Variants in GRIA3 observed in about 807,000 individuals in gnomAD.
GRIA3 encodes glutamate ionotropic receptor AMPA type subunit 3.
Under a neutral mutation model 63.0 loss-of-function variants are expected in GRIA3, and 3 were observed. That is an observed-to-expected ratio of 0.05 (90% confidence interval 0.02 to 0.12). The LOEUF is 0.12. Among genes scored for constraint, GRIA3 ranks in the 10% least tolerant of loss-of-function variants. The pLI is 1.00. For missense variants in GRIA3, 347 were observed against 700.9 expected (o/e 0.50, Z 5.70); for synonymous variants, 274 against 257.9 (o/e 1.06, Z -0.60).
intron 12 of GRIA3, among the ~76,000 whole-genome samples, chrX:123,430,751 G>A (rs766611883): frequency 6.3e-5 from 7 of 110,960 alleles, no homozygotes; most frequent in East Asian, 5.7e-4. Context: ...TTGGGAGGCC[G>A]AGGCAGGCAG....
At chrX:123,342,640 G>C (rs2045016253) in intron 4 of GRIA3, among the ~76,000 whole-genome samples, 1 of 111,884 alleles carries the variant, frequency 8.9e-6, no homozygotes, top group Admixed American at 9.5e-5. Context: ...CTTTTGTTCT[G>C]ATTATCCAAC....
Position 123,458,250 on chromosome X carries a change from C to G in GRIA3, c.2077-6615C>G, listed in dbSNP as rs770617068. Among the ~76,000 whole-genome samples the G allele has an allele frequency of 7.3e-5, 8 of 109,113 alleles. No homozygotes were observed. In the South Asian group the frequency reaches 2.9e-3, roughly 40 times the overall value. 94.8% of individuals were successfully genotyped at this position (109,113 alleles called of 115,157 possible). On this transcript the variant is annotated intron_variant, in intron 12 of 15. Coordinates refer to ENST00000620443, the MANE Select transcript of GRIA3 (RefSeq NM_007325.5). ...CCCGTGGTGCGGTGACAAAAAAAGA[C>G]ATGATCCCTACTCTCAAGGGGCTCA...
chrX:123,236,228 T>A (rs2044301171), intron 2 of GRIA3, among the ~76,000 whole-genome samples: 1 of 111,567 alleles, frequency 9.0e-6, no homozygotes, highest in Non-Finnish European at 1.9e-5. Context: ...CTGGGACTCT[T>A]TCTTAAACAC....
At position 123,354,962 on chromosome X, in the gene GRIA3, T is replaced by C; in HGVS notation, c.749T>C (p.Leu250Pro). ...SRGYHYMLAN[L>P]GFTDILLERV... ...GGTTATCACTACATGCTCGCTAACC[T>C]GGTAAGAACAAGCAAGTGTCCCTGG... The change falls in exon 5 of 16, where the codon CTG becomes CCG. Residue 250 changes from leucine to proline, a missense_variant and splice_region_variant. Physicochemically the swap from Leu to Pro is moderately conservative, Grantham distance 98. Transcript: ENST00000620443. 8.5e-7 allele frequency: 1 copy of C among 1,179,725 alleles called. No individual in the cohort carries two copies. The highest frequency in any genetic ancestry group is 1.2e-6 in the Non-Finnish European group (1 of 866,214).
chrX:123,440,275 A>C (rs1167662458), intron 12 of GRIA3, among the ~76,000 whole-genome samples: 1 of 112,260 alleles, frequency 8.9e-6, no homozygotes, highest in East Asian at 2.8e-4. Flanking sequence ...ATGTGTCTTT[A>C]TGGTAGAATG....
At chrX:123,253,778 A>T in intron 3 of GRIA3, 2 of 370,330 alleles carry the variant, frequency 5.4e-6, no homozygotes, top group East Asian at 4.6e-5. Context: ...ATACCTCTTG[A>T]TTGAGTCACC....
At chrX:123,487,069 T>A (rs1194679184) in intron 15 of GRIA3, among the ~76,000 whole-genome samples, 1 of 112,000 alleles carries the variant, frequency 8.9e-6, no homozygotes, top group Non-Finnish European at 1.9e-5. Flanking sequence ...CATGTTTAGC[T>A]CCCACTAGGG....
At chrX:123,348,248 CATT>C (rs1213926111) in intron 4 of GRIA3, among the ~76,000 whole-genome samples, 2 of 111,608 alleles carry the variant, frequency 1.8e-5, no homozygotes, top group East Asian at 2.8e-4. Flanking sequence ...TAAAACCAAA[CATT>C]GTTGTGAATG....
At chrX:123,334,742 C>A (rs920353243) in intron 4 of GRIA3, among the ~76,000 whole-genome samples, 4 of 111,175 alleles carry the variant, frequency 3.6e-5, no homozygotes, top group South Asian at 3.8e-4. Context: ...AGTACAGAAG[C>A]CTTGAGGCAG....
At chrX:123,458,540 C>G (rs781565676) in intron 12 of GRIA3, among the ~76,000 whole-genome samples, 2 of 111,555 alleles carry the variant, frequency 1.8e-5, no homozygotes, top group Non-Finnish European at 3.8e-5. Context: ...GAAGCTATCA[C>G]TTCACCGGGT....
At chrX:123,279,257 T>C (rs1222862517) in intron 3 of GRIA3, among the ~76,000 whole-genome samples, 1 of 111,311 alleles carries the variant, frequency 9.0e-6, no homozygotes, top group Non-Finnish European at 1.9e-5. Flanking sequence ...GGTCAAAGGA[T>C]ACATAATTAC....
At chrX:123,348,694 C>T (rs2045071022) in intron 4 of GRIA3, among the ~76,000 whole-genome samples, 1 of 111,963 alleles carries the variant, frequency 8.9e-6, no homozygotes, top group African/African-American at 3.2e-5. Context: ...CTGATCAAAG[C>T]TGCAGGCATC....
intron 4 of GRIA3, among the ~76,000 whole-genome samples, chrX:123,345,225 C>T (rs978033749): frequency 9.0e-6 from 1 of 111,386 alleles, no homozygotes; most frequent in Non-Finnish European, 1.9e-5. Context: ...CTAGATGCTA[C>T]TGTCAGAGTA....
chrX:123,336,953 G>A (rs2147339575), intron 4 of GRIA3, among the ~76,000 whole-genome samples: 1 of 112,076 alleles, frequency 8.9e-6, no homozygotes, highest in Non-Finnish European at 1.9e-5. Context: ...TAGAATCACT[G>A]CACCTCATTT....
intron 4 of GRIA3, among the ~76,000 whole-genome samples, chrX:123,329,619 A>T: frequency 8.9e-6 from 1 of 112,082 alleles, no homozygotes; most frequent in Middle Eastern, 4.6e-3. Flanking sequence ...ATAGAAAAGG[A>T]CAGCACTAGA....
intron 5 of GRIA3, among the ~76,000 whole-genome samples, chrX:123,383,698 T>A (rs1176639398): frequency 8.9e-6 from 1 of 111,996 alleles, no homozygotes; most frequent in African/African-American, 3.2e-5. Flanking sequence ...AAGTTTTTTT[T>A]AATCTTTTTT....
At chrX:123,433,907 A>C (rs1239173999) in intron 12 of GRIA3, among the ~76,000 whole-genome samples, 1 of 111,213 alleles carries the variant, frequency 9.0e-6, no homozygotes, top group East Asian at 2.8e-4. Flanking sequence ...ATAGTTTTTC[A>C]TTTTTTTTAA....
At chrX:123,279,438 TATGTACTTCAAAACATC>T (rs2044573012) in intron 3 of GRIA3, among the ~76,000 whole-genome samples, 1 of 112,003 alleles carries the variant, frequency 8.9e-6, no homozygotes, top group Admixed American at 9.5e-5. Flanking sequence ...ACACAATGTA[TATGTACTTCAAAACATC>T]ATGTTGTACA....
chrX:123,466,341 C>T (rs1013205641), intron 13 of GRIA3, among the ~76,000 whole-genome samples: 2 of 111,703 alleles, frequency 1.8e-5, no homozygotes, highest in Non-Finnish European at 3.8e-5. Flanking sequence ...ATAACAAGCT[C>T]GGTTTCAAGT....
Sources: gnomAD v4.1 joint callset for allele counts (sites outside exome capture counted in the v4.1 genomes callset) on GRCh38, gnomAD v4.1.1 for gene constraint, MANE v1.5 for transcripts, NCBI Gene and HGNC (gene_info 2026-07-23, HGNC 2026-07-21) for gene names.